The following SORCS3 variants were observed in gnomAD, a reference collection of about 807,000 sequenced individuals.
SORCS3 encodes the protein sortilin related VPS10 domain containing receptor 3.
In SORCS3, 57 loss-of-function variants were observed where a neutral mutation model predicts 146.3. The ratio of observed to expected loss-of-function variants is 0.39; its 90% CI spans 0.31 to 0.49. SORCS3 has a LOEUF of 0.49. SORCS3 is among the 20% of genes least tolerant of loss of function. The pLI is 0.92. For missense variants in SORCS3, 1,341 were observed against 1,575.5 expected (o/e 0.85, Z 2.52); for synonymous variants, 653 against 618.5 (o/e 1.06, Z -0.83).
chr10:105,247,377 G>T (rs372761974), intron 22 of SORCS3, 46 bp downstream of exon 22: 41 of 1,066,118 alleles, frequency 3.8e-5, no homozygotes, highest in Middle Eastern at 4.0e-4. Flanking sequence ...ATAAAGAAAA[G>T]AACTAGATGG....
At chr10:104,940,559 C>T (rs2019310629) in intron 3 of SORCS3, among the ~76,000 whole-genome samples, 1 of 151,936 alleles carries the variant, frequency 6.6e-6, no homozygotes, top group South Asian at 2.1e-4. Flanking sequence ...CATGTCCCTA[C>T]AAAGGACATG....
intron 14 of SORCS3, among the ~76,000 whole-genome samples, chr10:105,199,460 A>G (rs1319215881): frequency 1.3e-5 from 2 of 152,158 alleles, no homozygotes; most frequent in East Asian, 3.9e-4. Context: ...TGGAATTTCA[A>G]CTAACACTTA....
chr10:104,974,454 C>T (rs2054881676), intron 3 of SORCS3, among the ~76,000 whole-genome samples: 1 of 152,126 alleles, frequency 6.6e-6, no homozygotes, highest in Non-Finnish European at 1.5e-5. Context: ...ATGTAATGGC[C>T]TTCTTTGTAT....
chr10:104,790,937 A>G (rs2017489153), intron 1 of SORCS3, among the ~76,000 whole-genome samples: 1 of 152,236 alleles, frequency 6.6e-6, no homozygotes, highest in South Asian at 2.1e-4. Flanking sequence ...ACTTTATAAG[A>G]TAACACTCCT....
intron 7 of SORCS3, among the ~76,000 whole-genome samples, chr10:105,137,019 A>T (rs1161269643): frequency 6.6e-6 from 1 of 152,174 alleles, no homozygotes; most frequent in Non-Finnish European, 1.5e-5. Context: ...GGGGCTGATC[A>T]CGCTGTCAAA....
chr10:104,665,203 CG>C (rs1440685220), intron 1 of SORCS3: 7 of 152,194 alleles, frequency 4.6e-5, no homozygotes, highest in African/African-American at 1.7e-4. Context: ...CCAGGATTCC[CG>C]GATGGAAATG....
chr10:104,675,126 AT>A (rs571201633), intron 1 of SORCS3, among the ~76,000 whole-genome samples: 33 of 152,144 alleles, frequency 2.2e-4, no homozygotes, highest in African/African-American at 6.3e-4. Context: ...CCAATGCCTA[AT>A]TTTTTTTAAC....
intron 3 of SORCS3, among the ~76,000 whole-genome samples, chr10:104,951,545 A>G (rs753220070): frequency 2.0e-5 from 3 of 151,904 alleles, no homozygotes; most frequent in Non-Finnish European, 2.9e-5. Flanking sequence ...GGGTCTCGCT[A>G]TGTTGCCCAG....
chr10:104,940,238 A>ATATATATATATATATTTT (rs1435205868), intron 3 of SORCS3, among the ~76,000 whole-genome samples: 10 of 31,492 alleles, frequency 3.2e-4, no homozygotes, highest in Non-Finnish European at 4.3e-4. Context: ...ATATATATAT[A>ATATATATATATATATTTT]TTTTTTTTTT....
intron 2 of SORCS3, among the ~76,000 whole-genome samples, chr10:104,887,965 G>T (rs1183694047): frequency 7.9e-6 from 1 of 126,882 alleles, no homozygotes; most frequent in African/African-American, 3.3e-5. Flanking sequence ...GGGGCGGGGG[G>T]GCGGGGGCGG....
chr10:105,025,563 G>T (rs2055222763), intron 4 of SORCS3, among the ~76,000 whole-genome samples: 1 of 152,080 alleles, frequency 6.6e-6, no homozygotes, highest in Non-Finnish European at 1.5e-5. Context: ...TGGAGTTTCT[G>T]TACACTGGGA....
At chr10:104,655,247 CAAA>C (rs34712784) in intron 1 of SORCS3, among the ~76,000 whole-genome samples, 11 of 133,268 alleles carry the variant, frequency 8.3e-5, no homozygotes, top group Non-Finnish European at 7.9e-5. Context: ...AGCTCCGTCT[CAAA>C]AAAAAAAAAA....
At chr10:104,941,377 TAATATAAGGAAGAATAGAA>T (rs1307346254) in intron 3 of SORCS3, among the ~76,000 whole-genome samples, 6 of 152,210 alleles carry the variant, frequency 3.9e-5, no homozygotes, top group African/African-American at 1.4e-4. Context: ...CTTGATTTTA[TAATATAAGGAAGAATAGAA>T]AATGTCTTTC....
chr10:104,939,109 T>C (rs550373197), intron 3 of SORCS3, among the ~76,000 whole-genome samples: 1 of 152,358 alleles, frequency 6.6e-6, no homozygotes, highest in South Asian at 2.1e-4. Context: ...GTGATAGTTA[T>C]ACTCTTCCTC....
At chr10:104,933,997 G>A (rs537052553) in intron 3 of SORCS3, among the ~76,000 whole-genome samples, 103 of 152,264 alleles carry the variant, frequency 6.8e-4, no homozygotes, top group Non-Finnish European at 1.3e-3. Context: ...GTTTCACCAC[G>A]TTGGCCAGGC....
At chr10:104,882,250 T>C (rs1286230048) in intron 2 of SORCS3, among the ~76,000 whole-genome samples, 1 of 152,232 alleles carries the variant, frequency 6.6e-6, no homozygotes, top group African/African-American at 2.4e-5. Context: ...TGACTGCTTC[T>C]GAAATGCCCA....
At chr10:104,692,438 G>A (rs756299528) in intron 1 of SORCS3, among the ~76,000 whole-genome samples, 2 of 152,112 alleles carry the variant, frequency 1.3e-5, no homozygotes, top group Non-Finnish European at 2.9e-5. Flanking sequence ...TACAAAGTTG[G>A]ACCATGGCTT....
chr10:105,219,549 A>G (rs541603722), intron 19 of SORCS3, among the ~76,000 whole-genome samples: 1 of 152,264 alleles, frequency 6.6e-6, no homozygotes, highest in East Asian at 1.9e-4. Context: ...GTTCCCAGAT[A>G]CCAGCCTGGG....
chr10:104,726,290 G>C lies in SORCS3; in HGVS notation c.627+84336G>C, dbSNP rs561682101. Among the ~76,000 whole-genome samples, 201 of 152,302 alleles carry C rather than the reference G, an allele frequency of 1.3e-3. 2 individuals carry two copies. The highest frequency in any genetic ancestry group is 4.6e-3 in the African/African-American group (193 of 41,564). On this transcript the variant is annotated intron_variant, in intron 1 of 26. Coordinates refer to ENST00000369701, the MANE Select transcript of SORCS3 (RefSeq NM_014978.3). ...TCTGGGAGCCTTAGAGGAACATCTG[G>C]TCTTGTCTTGTCCTGAGTGTTCGTA... is the stretch of plus-strand genomic sequence containing the variant.
Sources: allele counts gnomAD v4.1 joint callset (sites outside exome capture counted in the v4.1 genomes callset), GRCh38; gene constraint gnomAD v4.1.1; transcripts MANE v1.5; gene names NCBI Gene and HGNC (gene_info 2026-07-23, HGNC 2026-07-21).